CCDC85A: variants seen among roughly 807,000 people sequenced by gnomAD.
CCDC85A encodes the protein coiled-coil domain containing 85A, also known as coiled-coil domain-containing protein 85A.
Under a neutral mutation model 50.2 loss-of-function variants are expected in CCDC85A, and 38 were observed. That is an observed-to-expected ratio of 0.76 (90% confidence interval 0.58 to 0.99). CCDC85A has a LOEUF of 0.99. Ranked by LOEUF, CCDC85A falls within the 50% of genes least tolerant of loss-of-function variation. CCDC85A has a pLI of 0.00. For missense variants in CCDC85A, 820 were observed against 742.0 expected, an observed-to-expected ratio of 1.11 and a Z score of -1.22; for synonymous variants, 366 against 301.4, an observed-to-expected ratio of 1.21 and a Z score of -2.22.
chr2:56,309,697 A>G (rs1354751131), intron 2 of CCDC85A, among the ~76,000 whole-genome samples: 2 of 152,302 alleles, frequency 1.3e-5, no homozygotes, highest in African/African-American at 4.8e-5. Flanking sequence ...AACAAATTAA[A>G]GAAGCTACTG....
intron 2 of CCDC85A, among the ~76,000 whole-genome samples, chr2:56,253,337 A>T (rs1351366119): frequency 6.6e-6 from 1 of 152,204 alleles, no homozygotes; most frequent in Non-Finnish European, 1.5e-5. Context: ...CTGAAGAATG[A>T]GTAGGACAGG....
intron 2 of CCDC85A, among the ~76,000 whole-genome samples, chr2:56,299,267 T>G (rs148715365): frequency 1.2e-4 from 18 of 152,260 alleles, no homozygotes; most frequent in South Asian, 6.2e-4. Context: ...GGTAGCTTGT[T>G]TTCAGGACAT....
chr2:56,355,123 G>C (rs1675156748), intron 3 of CCDC85A, among the ~76,000 whole-genome samples: 1 of 152,162 alleles, frequency 6.6e-6, no homozygotes, highest in African/African-American at 2.4e-5. Context: ...TTTGGCTGTT[G>C]ACTGGCTGCC....
chr2:56,214,845 G>A (rs980820102), intron 2 of CCDC85A, among the ~76,000 whole-genome samples: 15 of 151,822 alleles, frequency 9.9e-5, no homozygotes, highest in Non-Finnish European at 1.8e-4. Context: ...TATTGTGTTG[G>A]CTATTCTGGA....
intron 3 of CCDC85A, among the ~76,000 whole-genome samples, chr2:56,345,228 G>A (rs10460558): frequency 0.42 from 63,483 of 151,954 alleles, 15,021 homozygotes; most frequent in African/African-American, 0.65. Context: ...GAAATGGCTA[G>A]GAAAGATCAT....
intron 2 of CCDC85A, among the ~76,000 whole-genome samples, chr2:56,276,117 T>G (rs187533838): frequency 2.0e-3 from 298 of 152,288 alleles, no homozygotes; most frequent in Admixed American, 4.7e-3. Flanking sequence ...TTGGGGCGTC[T>G]CCCCTCCTTA....
At chr2:56,321,141 CA>C in intron 2 of CCDC85A, among the ~76,000 whole-genome samples, 1 of 152,208 alleles carries the variant, frequency 6.6e-6, no homozygotes, top group East Asian at 1.9e-4. Flanking sequence ...GGATGTATCT[CA>C]AAATAAGAAG....
chr2:56,272,212 G>C (rs1670730619), intron 2 of CCDC85A, among the ~76,000 whole-genome samples: 1 of 152,066 alleles, frequency 6.6e-6, no homozygotes, highest in African/African-American at 2.4e-5. Flanking sequence ...TGGTGTCAGT[G>C]AGTAGTAGAT....
chr2:56,282,813 C>G (rs1234673275), intron 2 of CCDC85A, among the ~76,000 whole-genome samples: 1 of 152,192 alleles, frequency 6.6e-6, no homozygotes, highest in Non-Finnish European at 1.5e-5. Context: ...CCCGGCCATA[C>G]TTTTCATTTA....
At chr2:56,190,220 T>C (rs1430237745) in intron 1 of CCDC85A, among the ~76,000 whole-genome samples, 5 of 152,184 alleles carry the variant, frequency 3.3e-5, no homozygotes, top group African/African-American at 1.2e-4. Flanking sequence ...CCAAAGATTT[T>C]TCAGGCTTTT....
chr2:56,310,637 T>A (rs1260300920), intron 2 of CCDC85A, among the ~76,000 whole-genome samples: 2 of 152,140 alleles, frequency 1.3e-5, no homozygotes, highest in Admixed American at 1.3e-4. Flanking sequence ...TTTAAAGATG[T>A]GCCCCACAGA....
intron 2 of CCDC85A, among the ~76,000 whole-genome samples, chr2:56,317,389 T>C (rs566448018): frequency 6.6e-6 from 1 of 152,238 alleles, no homozygotes; most frequent in South Asian, 2.1e-4. Flanking sequence ...ATTGCCAGTA[T>C]AGCATTTCTC....
intron 2 of CCDC85A, among the ~76,000 whole-genome samples, chr2:56,240,626 A>T (rs988228228): frequency 2.0e-5 from 3 of 152,120 alleles, no homozygotes; most frequent in Non-Finnish European, 4.4e-5. Flanking sequence ...TATCATACAA[A>T]TGGACTCGTG....
intron 2 of CCDC85A, among the ~76,000 whole-genome samples, chr2:56,302,502 G>A (rs1005572400): frequency 2.0e-5 from 3 of 152,120 alleles, no homozygotes; most frequent in Admixed American, 1.3e-4. Flanking sequence ...GACAAAGACA[G>A]AAATGGGCAT....
intron 2 of CCDC85A, among the ~76,000 whole-genome samples, chr2:56,213,262 C>T (rs1395439390): frequency 1.3e-5 from 2 of 151,948 alleles, no homozygotes; most frequent in African/African-American, 4.8e-5. Flanking sequence ...CTTAAACAAG[C>T]TTTCAGTGTG....
intron 2 of CCDC85A, among the ~76,000 whole-genome samples, chr2:56,284,712 G>C (rs999334922): frequency 6.6e-6 from 1 of 152,080 alleles, no homozygotes; most frequent in African/African-American, 2.4e-5. Flanking sequence ...GTTTGCTCTT[G>C]TGTGTTTGTC....
intron 2 of CCDC85A, among the ~76,000 whole-genome samples, chr2:56,224,670 T>C (rs1402057310): frequency 6.6e-6 from 1 of 152,184 alleles, no homozygotes. Flanking sequence ...AAGTGGTATC[T>C]AATTGTGGTT....
intron 2 of CCDC85A, among the ~76,000 whole-genome samples, chr2:56,298,437 C>G (rs77459363): frequency 6.6e-6 from 1 of 152,166 alleles, no homozygotes; most frequent in Non-Finnish European, 1.5e-5. Context: ...TGATCTTGAT[C>G]TGCCATTGGT....
At chr2:56,355,272 T>C (rs1675165327) in intron 3 of CCDC85A, among the ~76,000 whole-genome samples, 1 of 152,154 alleles carries the variant, frequency 6.6e-6, no homozygotes, top group Admixed American at 6.5e-5. Context: ...AGTAGCTCCT[T>C]CCCCAGGGTC....
Sources: allele counts gnomAD v4.1 joint callset (sites outside exome capture counted in the v4.1 genomes callset), GRCh38; gene constraint gnomAD v4.1.1; transcripts MANE v1.5; gene names NCBI Gene and HGNC (gene_info 2026-07-23, HGNC 2026-07-21).